TM9SF2: variants seen among roughly 807,000 people sequenced by gnomAD.
TM9SF2 encodes transmembrane 9 superfamily member 2.
TM9SF2 carries 13 observed loss-of-function variants against 84.9 expected under a neutral mutation model. The observed-to-expected ratio is 0.15, with a 90% CI of 0.10 to 0.24. TM9SF2 has a LOEUF of 0.24. TM9SF2 is among the 10% of genes least tolerant of loss of function. The pLI, the probability that TM9SF2 is intolerant of heterozygous loss-of-function variation, is 1.00. For missense variants in TM9SF2, 562 were observed against 818.5 expected (o/e 0.69, Z 3.82); for synonymous variants, 273 against 285.8 (o/e 0.96, Z 0.45).
intron 3 of TM9SF2, among the ~76,000 whole-genome samples, chr13:99,528,702 C>T (rs1032270145): frequency 6.6e-6 from 1 of 152,136 alleles, no homozygotes; most frequent in African/African-American, 2.4e-5. Flanking sequence ...ACAGATATGG[C>T]TGTATTGGAA....
chr13:99,504,484 A>G (rs940915990), intron 1 of TM9SF2, among the ~76,000 whole-genome samples: 1 of 152,202 alleles, frequency 6.6e-6, no homozygotes, highest in African/African-American at 2.4e-5. Context: ...TAGTGTAGAG[A>G]TGAAACAAAT....
intron 15 of TM9SF2, among the ~76,000 whole-genome samples, chr13:99,558,833 T>G (rs1362799667): frequency 2.6e-5 from 4 of 152,220 alleles, no homozygotes; most frequent in Admixed American, 6.5e-5. Context: ...GATAGTGAAG[T>G]GTTCTCTTTT....
At chr13:99,534,495 A>G (rs2046225134) in intron 4 of TM9SF2, among the ~76,000 whole-genome samples, 1 of 152,258 alleles carries the variant, frequency 6.6e-6, no homozygotes, top group African/African-American at 2.4e-5. Context: ...AAGAAAAGAA[A>G]AAAAAATGCC....
At chr13:99,508,306 A>G (rs4584676) in intron 1 of TM9SF2, among the ~76,000 whole-genome samples, 133,186 of 151,766 alleles carry the variant, frequency 0.88, 58,611 homozygotes, top group Admixed American at 0.93. Context: ...ATCTAGAGTC[A>G]TCTGTCTCTA....
chr13:99,551,524 C>G (rs2046305524), intron 12 of TM9SF2, among the ~76,000 whole-genome samples: 1 of 152,196 alleles, frequency 6.6e-6, no homozygotes, highest in Non-Finnish European at 1.5e-5. Context: ...GGAAGGCTTT[C>G]TTCTCTTAAG....
chr13:99,543,964 A>C lies in TM9SF2; in HGVS notation c.1119A>C (p.Thr373=), dbSNP rs2046272089. The C allele has an allele frequency of 1.2e-6, 2 of 1,614,060 alleles. No homozygotes were observed. Among genetic ancestry groups the C allele is most frequent in the African/African-American group, 1.3e-5 (1 of 74,944 alleles). The change falls in exon 10 of 17, where the codon ACA becomes ACC. Residue 373 remains threonine, a synonymous_variant. Coordinates refer to ENST00000376387, the MANE Select transcript of TM9SF2 (RefSeq NM_004800.3). ...MLLSVFLGSG[T]QILIMTFVTL... ...TATCAGTCTTTCTAGGATCCGGGACACAGATTTTAATTATGACCTTTGTGA... is the reference window on the plus strand; with the variant it reads ...TATCAGTCTTTCTAGGATCCGGGACCCAGATTTTAATTATGACCTTTGTGA...
At chr13:99,541,877 C>T (rs1441680207) in intron 9 of TM9SF2, 11 of 359,060 alleles carry the variant, frequency 3.1e-5, no homozygotes, top group South Asian at 7.7e-5. Context: ...TGGCTGGGCG[C>T]GGTGGCTCAC....
chr13:99,557,242 G>A (rs1436043927), intron 15 of TM9SF2, among the ~76,000 whole-genome samples: 1 of 152,100 alleles, frequency 6.6e-6, no homozygotes, highest in Non-Finnish European at 1.5e-5. Flanking sequence ...GGTGTGAAGC[G>A]GTGTCTCATT....
chr13:99,525,412 T>C (rs534132428), intron 3 of TM9SF2, among the ~76,000 whole-genome samples: 1 of 152,188 alleles, frequency 6.6e-6, no homozygotes, highest in African/African-American at 2.4e-5. Flanking sequence ...TAGTTAATTT[T>C]TGTATTTTTA....
chr13:99,513,775 G>A (rs995367920), intron 1 of TM9SF2, among the ~76,000 whole-genome samples: 2 of 152,210 alleles, frequency 1.3e-5, no homozygotes, highest in Non-Finnish European at 2.9e-5. Context: ...AGGGATGAGT[G>A]AAAATTACAT....
chr13:99,555,512 C>T (rs771077789), intron 14 of TM9SF2, 24 bp from the exon 15 acceptor site: 13 of 1,496,298 alleles, frequency 8.7e-6, no homozygotes, highest in Admixed American at 1.7e-5. Flanking sequence ...ATTTATAGTT[C>T]CTTCTTGACG....
intron 1 of TM9SF2, among the ~76,000 whole-genome samples, chr13:99,515,734 GT>G (rs5806117): frequency 0.023 from 3,248 of 138,516 alleles, 100 homozygotes; most frequent in African/African-American, 0.082. Flanking sequence ...AGAAATACTG[GT>G]TTTTTTTTTT....
intron 4 of TM9SF2, among the ~76,000 whole-genome samples, chr13:99,533,858 A>G (rs1421663766): frequency 2.0e-5 from 3 of 151,996 alleles, no homozygotes; most frequent in African/African-American, 7.2e-5. Flanking sequence ...TTTAGTAGAG[A>G]CGGGATTTCA....
At chr13:99,529,738 A>AG in intron 4 of TM9SF2, 144 bp downstream of exon 4, 1 of 822,232 alleles carries the variant, frequency 1.2e-6, no homozygotes, top group Non-Finnish European at 1.8e-6. Context: ...CGTAGCTTGA[A>AG]GTAGTGACTC....
intron 10 of TM9SF2, among the ~76,000 whole-genome samples, chr13:99,544,240 TGTG>T (rs373812880): frequency 2.0e-5 from 3 of 151,292 alleles, no homozygotes; most frequent in African/African-American, 7.3e-5. Flanking sequence ...CCCAGCTACT[TGTG>T]GGGCTGAGGC....
chr13:99,521,026 A>C (rs183883687), intron 3 of TM9SF2, among the ~76,000 whole-genome samples: 1 of 152,168 alleles, frequency 6.6e-6, no homozygotes, highest in Admixed American at 6.5e-5. Context: ...TTTTAAGCCT[A>C]TTATCCTTCC....
intron 3 of TM9SF2, among the ~76,000 whole-genome samples, chr13:99,526,205 G>A (rs935550695): frequency 6.6e-6 from 1 of 152,194 alleles, no homozygotes; most frequent in Non-Finnish European, 1.5e-5. Context: ...AGTGTGGAGC[G>A]GCTGCTAGGC....
intron 3 of TM9SF2, among the ~76,000 whole-genome samples, chr13:99,523,216 G>A (rs372457524): frequency 3.3e-5 from 5 of 152,030 alleles, no homozygotes; most frequent in African/African-American, 1.2e-4. Context: ...CCTGGGCTGG[G>A]CCACGGCTCA....
At chr13:99,517,046 T>A (rs1331062330) in intron 1 of TM9SF2, among the ~76,000 whole-genome samples, 1 of 152,134 alleles carries the variant, frequency 6.6e-6, no homozygotes, top group Non-Finnish European at 1.5e-5. Flanking sequence ...TTAGAAAATT[T>A]AGAAAGCATT....
Sources: allele counts gnomAD v4.1 joint callset (sites outside exome capture counted in the v4.1 genomes callset), GRCh38; gene constraint gnomAD v4.1.1; transcripts MANE v1.5; gene names NCBI Gene and HGNC (gene_info 2026-07-23, HGNC 2026-07-21).